Variants in TENM3 observed in about 807,000 individuals in gnomAD.
TENM3 encodes the protein teneurin transmembrane protein 3, also known as teneurin-3.
Under a neutral mutation model 255.1 loss-of-function variants are expected in TENM3, and 63 were observed. The ratio of observed to expected loss-of-function variants is 0.25; its 90% CI spans 0.20 to 0.30. TENM3 has a LOEUF of 0.30. Ranked by LOEUF, TENM3 falls within the 10% of genes least tolerant of loss-of-function variation. The pLI, the probability that TENM3 is intolerant of heterozygous loss-of-function variation, is 1.00. For synonymous variants in TENM3, 1,306 were observed against 1,322.3 expected (o/e 0.99, Z 0.27); for missense variants, 2,929 against 3,461.1 (o/e 0.85, Z 3.86).
the TENM3 span, among the ~76,000 whole-genome samples, chr4:181,529,989 C>G: frequency 6.6e-6 from 1 of 152,168 alleles, no homozygotes; most frequent in Non-Finnish European, 1.5e-5. Context: ...AGGACACATA[C>G]AGGAGCGTTT....
chr4:181,803,950 A>AAAAAG, the TENM3 span, among the ~76,000 whole-genome samples: 37 of 51,642 alleles, frequency 7.2e-4, no homozygotes, highest in African/African-American at 1.7e-3. Flanking sequence ...AAAAAAAAAA[A>AAAAAG]AAAGAAAGAA....
chr4:182,043,171 C>T, the TENM3 span, among the ~76,000 whole-genome samples: 1 of 152,102 alleles, frequency 6.6e-6, no homozygotes, highest in East Asian at 1.9e-4. Flanking sequence ...CATACACATT[C>T]TTACATGCCC....
At chr4:181,636,655 C>T in the TENM3 span, among the ~76,000 whole-genome samples, 2 of 152,218 alleles carry the variant, frequency 1.3e-5, no homozygotes, top group African/African-American at 4.8e-5. Flanking sequence ...CTTCTCCCCA[C>T]CTCTGCTGCA....
chr4:182,190,537 C>T (rs1248975108), intron 1 of TENM3, among the ~76,000 whole-genome samples: 3 of 152,246 alleles, frequency 2.0e-5, no homozygotes, highest in Admixed American at 6.5e-5. Context: ...TACAGGACGA[C>T]GGAAGCCAGT....
intron 3 of TENM3, among the ~76,000 whole-genome samples, chr4:182,351,486 G>T (rs1378240629): frequency 6.6e-6 from 1 of 152,086 alleles, no homozygotes; most frequent in Non-Finnish European, 1.5e-5. Flanking sequence ...ACCTAGAGTG[G>T]CAGTTGTCAA....
At chr4:182,164,157 C>T (rs1196557673) in intron 1 of TENM3, among the ~76,000 whole-genome samples, 1 of 152,304 alleles carries the variant, frequency 6.6e-6, no homozygotes, top group African/African-American at 2.4e-5. Context: ...CACCTTCGGT[C>T]ATCCTGGTAT....
At chr4:181,714,983 C>T in the TENM3 span, among the ~76,000 whole-genome samples, 1 of 152,152 alleles carries the variant, frequency 6.6e-6, no homozygotes, top group African/African-American at 2.4e-5. Context: ...TTTTACAGCA[C>T]TTTGAAAAAT....
chr4:182,400,792 T>C (rs1274266649), intron 3 of TENM3, among the ~76,000 whole-genome samples: 1 of 152,322 alleles, frequency 6.6e-6, no homozygotes, highest in East Asian at 1.9e-4. Flanking sequence ...AAGTTTTTTT[T>C]CCACTATAAA....
chr4:182,452,166 G>A (rs994497043), intron 3 of TENM3, among the ~76,000 whole-genome samples: 3 of 152,168 alleles, frequency 2.0e-5, no homozygotes, highest in Non-Finnish European at 4.4e-5. Flanking sequence ...TCATAGATGT[G>A]AGTGCTTTAG....
chr4:182,025,816 A>C, the TENM3 span, among the ~76,000 whole-genome samples: 1 of 152,040 alleles, frequency 6.6e-6, no homozygotes. Context: ...TGCCATTATA[A>C]GTCTTCTTTT....
At chr4:182,603,167 A>G (rs1748064201) in intron 4 of TENM3, among the ~76,000 whole-genome samples, 1 of 152,182 alleles carries the variant, frequency 6.6e-6, no homozygotes, top group Non-Finnish European at 1.5e-5. Context: ...CACTGTAGCC[A>G]TATGTGAAAT....
chr4:182,536,176 A>C (rs1210794798), intron 3 of TENM3, among the ~76,000 whole-genome samples: 1 of 152,210 alleles, frequency 6.6e-6, no homozygotes, highest in Admixed American at 6.5e-5. Flanking sequence ...GTTTATAGCA[A>C]GTCTTTCTTC....
At chr4:181,720,256 AAC>A in the TENM3 span, among the ~76,000 whole-genome samples, 1 of 152,242 alleles carries the variant, frequency 6.6e-6, no homozygotes, top group Non-Finnish European at 1.5e-5. Flanking sequence ...ACTAAGAATA[AAC>A]ACAGAGAACA....
intron 1 of TENM3, among the ~76,000 whole-genome samples, chr4:182,320,820 G>A (rs769068859): frequency 1.3e-4 from 20 of 152,132 alleles, no homozygotes; most frequent in Non-Finnish European, 2.5e-4. Context: ...ACAAAAACAG[G>A]TGGTGGATCC....
chr4:181,801,695 T>A, the TENM3 span, among the ~76,000 whole-genome samples: 51 of 125,926 alleles, frequency 4.0e-4, no homozygotes, highest in African/African-American at 1.6e-3. Context: ...TATATATATA[T>A]ATGCAACAAT....
the TENM3 span, among the ~76,000 whole-genome samples, chr4:181,900,565 A>G: frequency 1.3e-4 from 20 of 152,210 alleles, no homozygotes; most frequent in South Asian, 4.1e-4. Flanking sequence ...TTAGAATTTC[A>G]GTCTTGACTT....
At chr4:182,690,704 A>G (rs149648761) in intron 12 of TENM3, among the ~76,000 whole-genome samples, 2 of 152,334 alleles carry the variant, frequency 1.3e-5, no homozygotes, top group East Asian at 3.9e-4. Context: ...TCAACAAATC[A>G]TTTTAGTGTT....
At chr4:182,417,256 G>A (rs549816945) in intron 3 of TENM3, among the ~76,000 whole-genome samples, 3 of 152,160 alleles carry the variant, frequency 2.0e-5, no homozygotes, top group East Asian at 3.9e-4. Flanking sequence ...GATTACAGGC[G>A]TGAGCCACCG....
chr4:181,937,387 A>T, the TENM3 span, among the ~76,000 whole-genome samples: 2 of 152,218 alleles, frequency 1.3e-5, no homozygotes, highest in African/African-American at 2.4e-5. Flanking sequence ...TTAAAGTACA[A>T]CTTCTGCAAG....
Sources: allele counts gnomAD v4.1 joint callset (sites outside exome capture counted in the v4.1 genomes callset), GRCh38; gene constraint gnomAD v4.1.1; transcripts MANE v1.5; gene names NCBI Gene and HGNC (gene_info 2026-07-23, HGNC 2026-07-21).